The following AUH variants were observed in gnomAD, a reference collection of about 807,000 sequenced individuals.
AUH encodes methylglutaconyl-CoA hydratase, mitochondrial.
A neutral mutation model predicts 42.3 loss-of-function variants in AUH; 29 were observed. That is an observed-to-expected ratio of 0.69 (90% CI 0.51 to 0.93). The LOEUF (loss-of-function observed/expected upper bound fraction) is 0.93, where lower values mean the gene tolerates loss of function less well. Among genes scored for constraint, AUH ranks in the 40% least tolerant of loss-of-function variants. AUH has a pLI of 0.00. For synonymous variants in AUH, 174 were observed against 166.4 expected (o/e 1.05, Z -0.35); for missense variants, 452 against 438.1 (o/e 1.03, Z -0.28).
intron 6 of AUH, among the ~76,000 whole-genome samples, chr9:91,284,098 C>G (rs1426096958): frequency 6.6e-6 from 1 of 152,138 alleles, no homozygotes; most frequent in Non-Finnish European, 1.5e-5. Flanking sequence ...CAGCATGGTA[C>G]TGGTACCAAA....
At chr9:91,314,493 A>G (rs532211115) in intron 4 of AUH, among the ~76,000 whole-genome samples, 132 of 151,236 alleles carry the variant, frequency 8.7e-4, no homozygotes, top group African/African-American at 2.9e-3. Context: ...AAAGAAGGAA[A>G]AAAAAAAAAA....
intron 6 of AUH, among the ~76,000 whole-genome samples, chr9:91,230,155 C>T (rs1827781700): frequency 6.6e-6 from 1 of 151,780 alleles, no homozygotes; most frequent in Admixed American, 6.6e-5. Context: ...AGAGTGTTTT[C>T]CAACTTGGTT....
In AUH at chr9:91,334,838, G is replaced by T. The variant is rs568335177; in HGVS notation, c.419-9434C>A. 4.6e-5 allele frequency among the ~76,000 whole-genome samples: 7 copies of T among 152,184 alleles called. No individual in the cohort carries two copies. In the South Asian group the frequency reaches 1.5e-3, roughly 32 times the overall value. ...ATTTTTGTACATGTGGTGCCAATTC[G>T]AACACCCTGGTCTCTTGATCCCACT... On this transcript the variant is annotated intron_variant, in intron 3 of 9. Coordinates refer to ENST00000375731, the MANE Select transcript of AUH (RefSeq NM_001698.3).
chr9:91,352,577 AAAT>A (rs1441579020), intron 3 of AUH, among the ~76,000 whole-genome samples: 13 of 152,282 alleles, frequency 8.5e-5, no homozygotes, highest in African/African-American at 3.1e-4. Context: ...TAATAATGCT[AAAT>A]AATAGATTTC....
Position 91,264,270 on chromosome 9 carries a change from T to C in AUH, c.655+31751A>G, listed in dbSNP as rs140433142. 6.9e-3 allele frequency among the ~76,000 whole-genome samples: 1,045 copies of C among 152,348 alleles called. 6 individuals carry two copies. Among genetic ancestry groups the C allele is most frequent in the South Asian group, 0.014 (70 of 4,832 alleles). On this transcript the variant is annotated intron_variant, in intron 6 of 9. Coordinates refer to ENST00000375731, the MANE Select transcript of AUH (RefSeq NM_001698.3). ...TTAAAAATCTAGTTTTAAGATTAAA[T>C]GGACCCACTTTTCTTGCTGATTGCT... is the stretch of plus-strand genomic sequence containing the variant.
At chr9:91,335,278 T>A (rs1351386186) in intron 3 of AUH, among the ~76,000 whole-genome samples, 1 of 152,222 alleles carries the variant, frequency 6.6e-6, no homozygotes, top group East Asian at 1.9e-4. Flanking sequence ...GTTTTCTATT[T>A]CTTAAGTCAG....
At chr9:91,289,946 A>G (rs1053049153) in intron 6 of AUH, among the ~76,000 whole-genome samples, 1 of 152,158 alleles carries the variant, frequency 6.6e-6, no homozygotes, top group African/African-American at 2.4e-5. Flanking sequence ...TAGACCAAAA[A>G]TTCTGTGCAT....
chr9:91,266,385 AT>A (rs1480738132), intron 6 of AUH, among the ~76,000 whole-genome samples: 1 of 151,740 alleles, frequency 6.6e-6, no homozygotes, highest in East Asian at 1.9e-4. Flanking sequence ...AAATAAATAA[AT>A]AAATAAAAAT....
chr9:91,221,294 T>C (rs552171440), intron 6 of AUH, among the ~76,000 whole-genome samples: 3 of 152,092 alleles, frequency 2.0e-5, no homozygotes, highest in Non-Finnish European at 4.4e-5. Flanking sequence ...TCAGTAACCA[T>C]CAGGTGAACA....
At chr9:91,257,829 G>C (rs1829488990) in intron 6 of AUH, among the ~76,000 whole-genome samples, 1 of 152,188 alleles carries the variant, frequency 6.6e-6, no homozygotes, top group Non-Finnish European at 1.5e-5. Context: ...GGATTGCACT[G>C]CATCTACAGA....
chr9:91,351,032 GCACAAT>G (rs1831934871), intron 3 of AUH, among the ~76,000 whole-genome samples: 2 of 151,950 alleles, frequency 1.3e-5, no homozygotes, highest in African/African-American at 4.8e-5. Context: ...AAATGCAGTG[GCACAAT>G]CACGGCTCGC....
intron 9 of AUH, among the ~76,000 whole-genome samples, chr9:91,214,858 G>C (rs1213335480): frequency 6.6e-6 from 1 of 152,146 alleles, no homozygotes; most frequent in Non-Finnish European, 1.5e-5. Context: ...TTTTCCAGCA[G>C]TCTTTCTTTT....
intron 4 of AUH, among the ~76,000 whole-genome samples, chr9:91,312,010 CTTT>C (rs57982846): frequency 1.4e-5 from 2 of 142,938 alleles, no homozygotes; most frequent in African/African-American, 2.6e-5. Context: ...AGTCACATGA[CTTT>C]TTTTTTTTTT....
At chr9:91,263,661 TC>T (rs1829818692) in intron 6 of AUH, among the ~76,000 whole-genome samples, 1 of 152,218 alleles carries the variant, frequency 6.6e-6, no homozygotes, top group Admixed American at 6.5e-5. Flanking sequence ...CCACATTCCC[TC>T]CCTATACCAT....
intron 3 of AUH, among the ~76,000 whole-genome samples, chr9:91,341,612 T>C (rs972829221): frequency 6.6e-6 from 1 of 152,220 alleles, no homozygotes. Context: ...CATGACATTT[T>C]GCCAATGTTA....
intron 1 of AUH, among the ~76,000 whole-genome samples, chr9:91,359,880 C>T (rs1330066211): frequency 3.9e-5 from 6 of 152,106 alleles, no homozygotes; most frequent in African/African-American, 7.2e-5. Flanking sequence ...GCTGGTTCAA[C>T]AGTAAAGCAA....
In AUH at chr9:91,273,310, T is replaced by C. The variant is rs1377586347; in HGVS notation, c.655+22711A>G. Among the ~76,000 whole-genome samples, 7 of 152,304 alleles carry C rather than the reference T, an allele frequency of 4.6e-5. No homozygotes were observed. The South Asian group carries it at 8.3e-4, about 18-fold the overall frequency. ...CACATGCACACAAAAAGGTTCACTA[T>C]AGTCATGGTGTACAACACCCTTCAC... On this transcript the variant is annotated intron_variant, in intron 6 of 9. Coordinates refer to ENST00000375731, the MANE Select transcript of AUH (RefSeq NM_001698.3).
chr9:91,288,439 C>T (rs1266847873), intron 6 of AUH, among the ~76,000 whole-genome samples: 1 of 151,990 alleles, frequency 6.6e-6, no homozygotes, highest in East Asian at 1.9e-4. Flanking sequence ...AAGGTGAGAA[C>T]GTTGGAGACG....
intron 6 of AUH, among the ~76,000 whole-genome samples, chr9:91,226,285 A>C (rs1388262581): frequency 6.0e-5 from 9 of 149,316 alleles, no homozygotes; most frequent in Non-Finnish European, 1.1e-4. Flanking sequence ...TCTGATTTGC[A>C]TTTCTCTGAC....
Sources: allele counts gnomAD v4.1 joint callset (sites outside exome capture counted in the v4.1 genomes callset), GRCh38; gene constraint gnomAD v4.1.1; transcripts MANE v1.5; gene names NCBI Gene and HGNC (gene_info 2026-07-23, HGNC 2026-07-21).